Variants in DNAJC3 observed in about 807,000 individuals in gnomAD.
DNAJC3 encodes the protein dnaJ homolog subfamily C member 3.
In DNAJC3, 38 loss-of-function variants were observed where a neutral mutation model predicts 68.6. The ratio of observed to expected loss-of-function variants is 0.55; its 90% CI spans 0.43 to 0.73. The LOEUF (loss-of-function observed/expected upper bound fraction) is 0.73. DNAJC3 is among the 30% of genes least tolerant of loss of function. DNAJC3 has a pLI of 0.00. For missense variants in DNAJC3, 526 were observed against 591.9 expected (o/e 0.89, Z 1.16); for synonymous variants, 203 against 204.0 (o/e 1.00, Z 0.04).
At chr13:95,691,295 A>C (rs571750309) in intron 1 of DNAJC3, among the ~76,000 whole-genome samples, 145 of 147,910 alleles carry the variant, frequency 9.8e-4, no homozygotes, top group African/African-American at 3.5e-3. Flanking sequence ...CTCACTTCTC[A>C]GACGGGGCAC....
intron 9 of DNAJC3, among the ~76,000 whole-genome samples, chr13:95,773,630 G>T (rs1883215557): frequency 6.6e-6 from 1 of 151,306 alleles, no homozygotes; most frequent in African/African-American, 2.4e-5. Context: ...ATGTCTATAA[G>T]GTCTGTAAGA....
At chr13:95,701,555 C>T (rs1431892410) in intron 1 of DNAJC3, among the ~76,000 whole-genome samples, 2 of 152,164 alleles carry the variant, frequency 1.3e-5, no homozygotes, top group African/African-American at 4.8e-5. Flanking sequence ...TGATGGTATT[C>T]CGCTGAAGTT....
At chr13:95,688,978 A>G (rs538632362) in intron 1 of DNAJC3, among the ~76,000 whole-genome samples, 188 of 144,204 alleles carry the variant, frequency 1.3e-3, no homozygotes, top group Non-Finnish European at 2.5e-3. Context: ...GCGCTGTTGG[A>G]TTTAGTTTGC....
chr13:95,789,505 A>T (rs978191768), intron 11 of DNAJC3, among the ~76,000 whole-genome samples: 1 of 152,240 alleles, frequency 6.6e-6, no homozygotes, highest in Non-Finnish European at 1.5e-5. Flanking sequence ...TTATGGCTGC[A>T]TAGTATTCCA....
intron 4 of DNAJC3, among the ~76,000 whole-genome samples, chr13:95,742,343 G>T (rs1882171815): frequency 6.6e-6 from 1 of 152,176 alleles, no homozygotes; most frequent in Non-Finnish European, 1.5e-5. Context: ...CCTGGTAAGG[G>T]CTGTATTCTT....
At chr13:95,743,363 C>G (rs973961661) in intron 4 of DNAJC3, among the ~76,000 whole-genome samples, 2 of 152,236 alleles carry the variant, frequency 1.3e-5, no homozygotes, top group East Asian at 1.9e-4. Flanking sequence ...TGACTGGTTA[C>G]AGCTAGGCCT....
intron 4 of DNAJC3, among the ~76,000 whole-genome samples, chr13:95,756,076 A>G (rs533540169): frequency 4.6e-5 from 7 of 152,248 alleles, no homozygotes; most frequent in South Asian, 2.1e-4. Context: ...TTAGACTCCA[A>G]TGTTTGAGAG....
intron 5 of DNAJC3, among the ~76,000 whole-genome samples, chr13:95,758,598 A>G (rs1273528678): frequency 6.8e-6 from 1 of 147,490 alleles, no homozygotes; most frequent in Non-Finnish European, 1.5e-5. Context: ...AGCCTGGGCC[A>G]CAGAGTGAGA....
At chr13:95,727,812 C>T (rs1295882097) in intron 4 of DNAJC3, among the ~76,000 whole-genome samples, 1 of 152,110 alleles carries the variant, frequency 6.6e-6, no homozygotes, top group Admixed American at 6.5e-5. Flanking sequence ...GGTTCATGTA[C>T]CTACCACCAT....
At chr13:95,721,519 A>C (rs1385988461) in intron 2 of DNAJC3, among the ~76,000 whole-genome samples, 2 of 152,178 alleles carry the variant, frequency 1.3e-5, no homozygotes, top group Non-Finnish European at 2.9e-5. Flanking sequence ...ACCATCTTAC[A>C]TCCCACCAAC....
intron 4 of DNAJC3, among the ~76,000 whole-genome samples, chr13:95,750,053 C>T (rs1316583194): frequency 1.3e-5 from 2 of 151,768 alleles, no homozygotes; most frequent in Non-Finnish European, 2.9e-5. Flanking sequence ...TAGCTGTTTC[C>T]AGAGTCCTCT....
chr13:95,737,727 G>T (rs898174630), intron 4 of DNAJC3, among the ~76,000 whole-genome samples: 3 of 149,240 alleles, frequency 2.0e-5, no homozygotes, highest in African/African-American at 7.5e-5. Context: ...TTCTTTATTA[G>T]TCTTGCTAGT....
At chr13:95,680,923 TAAAA>T (rs565751983) in intron 1 of DNAJC3, among the ~76,000 whole-genome samples, 96 of 152,302 alleles carry the variant, frequency 6.3e-4, no homozygotes, top group Non-Finnish European at 1.0e-3. Flanking sequence ...GAAAGCTACT[TAAAA>T]AAATTAAATC....
intron 5 of DNAJC3, 107 bp from the exon 6 acceptor site, chr13:95,759,929 CAATT>C: frequency 1.4e-5 from 15 of 1,094,410 alleles, no homozygotes; most frequent in Non-Finnish European, 1.9e-5. Context: ...GTCATCACAT[CAATT>C]GAGAATGTTT....
intron 9 of DNAJC3, among the ~76,000 whole-genome samples, chr13:95,785,099 G>A (rs144509998): frequency 2.8e-4 from 42 of 152,218 alleles, no homozygotes; most frequent in South Asian, 6.2e-4. Context: ...TGAGTCATTC[G>A]GATTGTGGAC....
At chr13:95,740,206 C>G (rs1390879973) in intron 4 of DNAJC3, among the ~76,000 whole-genome samples, 1 of 152,216 alleles carries the variant, frequency 6.6e-6, no homozygotes, top group African/African-American at 2.4e-5. Flanking sequence ...AACCACTGCT[C>G]TCTTCAAAGC....
At chr13:95,685,591 T>C in intron 1 of DNAJC3, among the ~76,000 whole-genome samples, 1 of 152,136 alleles carries the variant, frequency 6.6e-6, no homozygotes, top group Non-Finnish European at 1.5e-5. Flanking sequence ...TTGGAGGAGC[T>C]GGGGCGGAAT....
intron 4 of DNAJC3, among the ~76,000 whole-genome samples, chr13:95,743,700 G>C (rs1882218326): frequency 6.6e-6 from 1 of 152,092 alleles, no homozygotes; most frequent in Non-Finnish European, 1.5e-5. Context: ...TGGGATCATA[G>C]GTGCCCGCTA....
rs1042384873 is a variant in DNAJC3, at chr13:95,794,635, G to A, written c.*3605G>A. ...GGGTTTTTTTTGTTTGTTTACAGAT[G>A]ATCTCATTTGCTGAATGATTGATTT... On this transcript the variant is annotated 3_prime_UTR_variant, in exon 12 of 12. Coordinates refer to ENST00000602402, the MANE Select transcript of DNAJC3 (RefSeq NM_006260.5). 2.6e-5 allele frequency: 4 copies of A among 152,226 alleles called. No homozygotes were observed. Among genetic ancestry groups the A allele is most frequent in the African/African-American group, 9.6e-5 (4 of 41,460 alleles). 9.4% of individuals were successfully genotyped at this position (152,226 alleles called of 1,614,324 possible).
Sources: allele counts gnomAD v4.1 joint callset (sites outside exome capture counted in the v4.1 genomes callset), GRCh38; gene constraint gnomAD v4.1.1; transcripts MANE v1.5; gene names NCBI Gene and HGNC (gene_info 2026-07-23, HGNC 2026-07-21).